MINDY4: variants seen among roughly 807,000 people sequenced by gnomAD.
The protein encoded by MINDY4 is MINDY lysine 48 deubiquitinase 4.
A neutral mutation model predicts 87.0 loss-of-function variants in MINDY4; 68 were observed. That is an observed-to-expected ratio of 0.78 (90% confidence interval 0.64 to 0.96). The LOEUF (loss-of-function observed/expected upper bound fraction) is 0.96, where lower values mean the gene tolerates loss of function less well. Among genes scored for constraint, MINDY4 ranks in the 40% least tolerant of loss-of-function variants. The pLI, the probability that MINDY4 is intolerant of heterozygous loss-of-function variation, is 0.00. For synonymous variants in MINDY4, 379 were observed against 363.2 expected, an observed-to-expected ratio of 1.04 and a Z score of -0.50; for missense variants, 919 against 928.2, an observed-to-expected ratio of 0.99 and a Z score of 0.13.
intron 9 of MINDY4, among the ~76,000 whole-genome samples, chr7:30,850,186 T>C (rs906487366): frequency 1.3e-5 from 2 of 152,208 alleles, no homozygotes; most frequent in Non-Finnish European, 2.9e-5. Flanking sequence ...GAGCCCTCTT[T>C]GCTCCTGTGG....
At chr7:30,842,601 G>T (rs1789075927) in intron 9 of MINDY4, among the ~76,000 whole-genome samples, 2 of 152,142 alleles carry the variant, frequency 1.3e-5, no homozygotes, top group Non-Finnish European at 2.9e-5. Context: ...ACATACAGGT[G>T]CCCTCATGGC....
chr7:30,802,626 G>T (rs1339780267), intron 5 of MINDY4, among the ~76,000 whole-genome samples: 1 of 152,178 alleles, frequency 6.6e-6, no homozygotes, highest in Non-Finnish European at 1.5e-5. Context: ...ATGCTAATCT[G>T]TCTGTGATAG....
chr7:30,807,016 T>C (rs1787829960), intron 5 of MINDY4, among the ~76,000 whole-genome samples: 1 of 152,260 alleles, frequency 6.6e-6, no homozygotes, highest in Admixed American at 6.5e-5. Flanking sequence ...TTGCTTCCTT[T>C]GGTCCCAGTG....
At chr7:30,785,336 A>G (rs945316572) in intron 3 of MINDY4, among the ~76,000 whole-genome samples, 4 of 151,954 alleles carry the variant, frequency 2.6e-5, no homozygotes, top group Non-Finnish European at 5.9e-5. Context: ...TTAGCTGAAC[A>G]GTGGGGAATG....
At chr7:30,828,625 G>A (rs1788593001) in intron 5 of MINDY4, 54 bp from the exon 6 acceptor site, 21 of 1,574,154 alleles carry the variant, frequency 1.3e-5, no homozygotes, top group African/African-American at 2.7e-5. Flanking sequence ...CTTCTCTGCC[G>A]TTTACATTTC....
chr7:30,790,850 G>A (rs949700393), intron 4 of MINDY4, among the ~76,000 whole-genome samples: 1 of 152,212 alleles, frequency 6.6e-6, no homozygotes, highest in Non-Finnish European at 1.5e-5. Flanking sequence ...AGGTGACACA[G>A]TTGGTAGGTG....
At chr7:30,872,374 TC>T in intron 14 of MINDY4, 68 bp downstream of exon 14, 1 of 1,393,320 alleles carries the variant, frequency 7.2e-7, no homozygotes, top group Non-Finnish European at 1.0e-6. Context: ...GGAGAGGTCC[TC>T]CTCCCTCCTC....
intron 7 of MINDY4, among the ~76,000 whole-genome samples, chr7:30,838,022 T>TCCCC (rs1788914004): frequency 6.6e-6 from 1 of 152,166 alleles, no homozygotes; most frequent in Non-Finnish European, 1.5e-5. Context: ...GTAGGAAAGG[T>TCCCC]CTGACCCAGA....
At chr7:30,798,523 G>A (rs1048793464) in intron 5 of MINDY4, among the ~76,000 whole-genome samples, 7 of 151,954 alleles carry the variant, frequency 4.6e-5, no homozygotes, top group African/African-American at 1.7e-4. Flanking sequence ...TTGAGACAGA[G>A]TCTCGCTGTG....
At chr7:30,818,088 A>C (rs1015076549) in intron 5 of MINDY4, among the ~76,000 whole-genome samples, 1 of 152,186 alleles carries the variant, frequency 6.6e-6, no homozygotes, top group Non-Finnish European at 1.5e-5. Context: ...TTAGGGTTCA[A>C]ATAAAACCCT....
chr7:30,812,057 C>G (rs764775949), intron 5 of MINDY4, among the ~76,000 whole-genome samples: 2 of 152,064 alleles, frequency 1.3e-5, no homozygotes, highest in African/African-American at 4.8e-5. Flanking sequence ...TACAAAAGGG[C>G]ACGTGTACCA....
At chr7:30,797,543 T>A (rs1787525625) in intron 5 of MINDY4, among the ~76,000 whole-genome samples, 1 of 152,148 alleles carries the variant, frequency 6.6e-6, no homozygotes, top group Non-Finnish European at 1.5e-5. Context: ...AGCATGTTAC[T>A]GATTGAGGCT....
chr7:30,839,127 G>T, intron 7 of MINDY4, 73 bp from the exon 8 acceptor site: 1 of 919,230 alleles, frequency 1.1e-6, no homozygotes, highest in Non-Finnish European at 1.6e-6. Flanking sequence ...ACTTCTGCAG[G>T]AATATGCACA....
At chr7:30,857,284 C>G (rs567342466) in intron 12 of MINDY4, among the ~76,000 whole-genome samples, 1 of 152,136 alleles carries the variant, frequency 6.6e-6, no homozygotes, top group Non-Finnish European at 1.5e-5. Context: ...CTCCAAAAAC[C>G]CTTCCTTGAT....
chr7:30,885,467 A>G (rs1249496950), intron 17 of MINDY4, among the ~76,000 whole-genome samples: 1 of 152,172 alleles, frequency 6.6e-6, no homozygotes, highest in Admixed American at 6.5e-5. Context: ...AGCTGAGATC[A>G]TGCCATTGCA....
At chr7:30,886,064 C>T (rs1047714625) in intron 17 of MINDY4, among the ~76,000 whole-genome samples, 2 of 152,118 alleles carry the variant, frequency 1.3e-5, no homozygotes, top group Admixed American at 6.5e-5. Context: ...AAGGCCCCAC[C>T]GTGTCAGGAA....
rs908075028 is a variant in MINDY4 at position 30,840,010 on chromosome 7, G to A, written c.1356+694G>A. Among the ~76,000 whole-genome samples, 6 of 152,050 alleles carry A rather than the reference G, an allele frequency of 3.9e-5. No homozygotes were observed. In the East Asian group the frequency reaches 5.8e-4, roughly 15 times the overall value. The stretch of plus-strand genomic sequence containing the variant: ...CCCCTGCCCCACACTGCCTGAGGTC[G>A]AGCCCCAGGACCACCAGCTTCTGTC... On this transcript the variant is annotated intron_variant, in intron 8 of 17. Coordinates refer to ENST00000265299, the MANE Select transcript of MINDY4 (RefSeq NM_032222.3).
At chr7:30,828,836 C>T (rs1161015572) in intron 6 of MINDY4, 99 bp downstream of exon 6, 6 of 1,100,466 alleles carry the variant, frequency 5.5e-6, no homozygotes, top group Non-Finnish European at 8.2e-6. Flanking sequence ...CCTTTCCTTC[C>T]ACCTGACCTC....
At chr7:30,778,859 G>A (rs1249871512) in intron 2 of MINDY4, among the ~76,000 whole-genome samples, 2 of 152,184 alleles carry the variant, frequency 1.3e-5, no homozygotes, top group African/African-American at 4.8e-5. Flanking sequence ...CCAACATGAG[G>A]CTATTTTTAG....
Sources: gnomAD v4.1 joint callset for allele counts (sites outside exome capture counted in the v4.1 genomes callset) on GRCh38, gnomAD v4.1.1 for gene constraint, MANE v1.5 for transcripts, NCBI Gene and HGNC (gene_info 2026-07-23, HGNC 2026-07-21) for gene names.